JAG2: variants seen among roughly 807,000 people sequenced by gnomAD.
JAG2 encodes protein jagged-2.
JAG2 carries 46 observed loss-of-function variants against 141.7 expected under a neutral mutation model. The ratio of observed to expected loss-of-function variants is 0.32; its 90% CI spans 0.26 to 0.42. The LOEUF (loss-of-function observed/expected upper bound fraction) is 0.42, where lower values mean the gene tolerates loss of function less well. Ranked by LOEUF, JAG2 falls within the 10% of genes least tolerant of loss-of-function variation. The pLI is 1.00. For missense variants in JAG2, 1,500 were observed against 1,817.5 expected (o/e 0.83, Z 3.18); for synonymous variants, 862 against 763.5 (o/e 1.13, Z -2.13).
intron 2 of JAG2, among the ~76,000 whole-genome samples, chr14:105,162,808 C>A (rs1822028933): frequency 7.0e-6 from 1 of 143,734 alleles, no homozygotes; most frequent in South Asian, 2.3e-4. Flanking sequence ...TCAGGGCACT[C>A]CAGGTCCAGG....
At chr14:105,158,453 C>T (rs930696385) in intron 2 of JAG2, among the ~76,000 whole-genome samples, 2 of 152,148 alleles carry the variant, frequency 1.3e-5, no homozygotes, top group Non-Finnish European at 2.9e-5. Flanking sequence ...CAGACCATGG[C>T]CACTATGCCC....
intron 2 of JAG2, among the ~76,000 whole-genome samples, chr14:105,161,102 GTGTTGGGGGTCCGAGTGAGGTC>G (rs1369447428): frequency 2.7e-5 from 4 of 150,822 alleles, no homozygotes; most frequent in Non-Finnish European, 5.9e-5. Flanking sequence ...GTCTGTTCGG[GTGTTGGGGGTCCGAGTGAGGTC>G]TGTTGGGGGT....
intron 24 of JAG2, 28 bp downstream of exon 24, chr14:105,144,902 C>G (rs1196205134): frequency 6.3e-7 from 1 of 1,594,856 alleles, no homozygotes; most frequent in East Asian, 2.3e-5. Flanking sequence ...AGGGCCCACC[C>G]AGGTGCTGCT....
intron 8 of JAG2, 29 bp downstream of exon 8, chr14:105,151,597 G>T: frequency 6.5e-7 from 1 of 1,542,654 alleles, no homozygotes. Flanking sequence ...TACTAGGCAG[G>T]AGTCCCCTAC....
chr14:105,168,475 A>C lies in JAG2; in HGVS notation c.-55T>G. 2.1e-6 allele frequency: 1 copy of C among 472,976 alleles called. No individual in the cohort carries two copies. Among genetic ancestry groups the C allele is most frequent in the Non-Finnish European group, 2.7e-6 (1 of 369,040 alleles). 29.3% of individuals were successfully genotyped at this position (472,976 alleles called of 1,614,324 possible). On this transcript the variant is annotated 5_prime_UTR_variant, in exon 1 of 26. Coordinates refer to ENST00000331782, the MANE Select transcript of JAG2 (RefSeq NM_002226.5). ...CCGCCGCCGCCCGCGCCCGGCTCCCAGCCGCCGCGCCGGCCTCCCAGCGCC... is the reference window on the plus strand; with the variant it reads ...CCGCCGCCGCCCGCGCCCGGCTCCCCGCCGCCGCGCCGGCCTCCCAGCGCC...
intron 5 of JAG2, 111 bp from the exon 6 acceptor site, chr14:105,152,402 A>G: frequency 1.5e-6 from 2 of 1,310,988 alleles, no homozygotes; most frequent in Non-Finnish European, 2.1e-6. Context: ...GGGCGGCCTC[A>G]GGCCTTTGAA....
chr14:105,145,599 C>T, intron 23 of JAG2, 132 bp downstream of exon 23: 1 of 1,224,654 alleles, frequency 8.2e-7, no homozygotes, highest in Non-Finnish European at 1.1e-6. Flanking sequence ...CACAGGGCCA[C>T]TCTCTGTGAC....
chr14:105,161,336 A>C (rs1314569330), intron 2 of JAG2, among the ~76,000 whole-genome samples: 1 of 152,182 alleles, frequency 6.6e-6, no homozygotes, highest in Admixed American at 6.5e-5. Context: ...GGATGGGGCC[A>C]GCATGGGTCT....
intron 2 of JAG2, among the ~76,000 whole-genome samples, chr14:105,164,273 C>A (rs1888844492): frequency 6.6e-6 from 1 of 152,198 alleles, no homozygotes; most frequent in Non-Finnish European, 1.5e-5. Context: ...CACCCTGCCC[C>A]CATACCAAAG....
Position 105,148,763 on chromosome 14 carries a change from C to T in JAG2, c.2002G>A (p.Gly668Ser). The T allele has an allele frequency of 6.3e-7, 1 of 1,578,066 alleles. No homozygotes were observed. Among genetic ancestry groups the T allele is most frequent in the Non-Finnish European group, 8.6e-7 (1 of 1,162,418 alleles). The change falls in exon 15 of 26, where the codon GGC (glycine) becomes AGC (serine). Residue 668 changes from glycine (G) to serine (S), a missense_variant. This residue lies in a region of JAG2 where 875 missense variants were observed against 1,202.2 expected (regional missense o/e 0.73). Transcript: ENST00000331782. ...FRCFCPSGWE[G>S]ELCDTNPNDC... ...CACTCACTGGTGTCGCAGAGCTCGC[C>T]CTCCCAGCCGCTGGGGCAGAAGCAG...
At position 105,148,790 on chromosome 14, in the gene JAG2, G is replaced by A. The variant is rs771572871; in HGVS notation, c.1975C>T (p.Arg659Cys). 8 of 1,594,810 alleles carry A rather than the reference G, an allele frequency of 5.0e-6. No individual in the cohort carries two copies. The highest frequency in any genetic ancestry group is 2.7e-5 in the African/African-American group (2 of 74,660). ...GTCIDEVDAF[R>C]CFCPSGWEGE... is the part of the protein sequence containing the mutation. ...TCCCAGCCGCTGGGGCAGAAGCAGC[G>A]GAAGGCGTCCACCTCATCGATGCAT... is the stretch of plus-strand genomic sequence containing the variant. The change falls in exon 15 of 26, where the codon CGC becomes TGC. Residue 659 changes from arginine (R) to cysteine (C), a missense_variant. Coordinates refer to ENST00000331782, the MANE Select transcript of JAG2 (RefSeq NM_002226.5).
At position 105,148,855 on chromosome 14, in the gene JAG2, A is replaced by G. The variant is rs778463008; in HGVS notation, c.1910T>C (p.Ile637Thr). The G allele has an allele frequency of 3.1e-6, 5 of 1,591,552 alleles. No homozygotes were observed. The highest frequency in any genetic ancestry group is 4.3e-6 in the Non-Finnish European group (5 of 1,169,966). The change falls in exon 15 of 26, where the codon ATT (isoleucine) becomes ACT (threonine). Residue 637 changes from isoleucine (I) to threonine (T), a missense_variant. Coordinates refer to ENST00000331782, the MANE Select transcript of JAG2 (RefSeq NM_002226.5). ...GFTGTYCHEN[I>T]DDCLGQPCRN... ...GCAGGGCTGGCCCAGGCAGTCGTCA[A>G]TGTCTGCAGAGGCGAGCGGGGTGAG...
At chr14:105,166,848 C>T (rs953316296) in intron 2 of JAG2, among the ~76,000 whole-genome samples, 1 of 152,200 alleles carries the variant, frequency 6.6e-6, no homozygotes, top group African/African-American at 2.4e-5. Flanking sequence ...TGCTCTCATT[C>T]CCGCACTCAC....
At chr14:105,144,823 T>C in intron 24 of JAG2, 107 bp downstream of exon 24, 1 of 1,440,476 alleles carries the variant, frequency 6.9e-7, no homozygotes, top group Non-Finnish European at 9.4e-7. Flanking sequence ...CCCGCAGTCC[T>C]TCCGCACCAG....
intron 7 of JAG2, 82 bp downstream of exon 7, chr14:105,151,856 G>A (rs1005069065): frequency 3.4e-5 from 54 of 1,608,006 alleles, no homozygotes; most frequent in East Asian, 6.7e-5. Context: ...CACACAGGAC[G>A]CCAGAGGGAT....
rs773308170 is a variant in JAG2, at chr14:105,167,812, G to A, written c.362C>T (p.Ala121Val). 44 of 1,468,174 alleles carry A rather than the reference G, an allele frequency of 3.0e-5. 2 individuals carry two copies. The highest frequency in any genetic ancestry group is 2.3e-4 in the Middle Eastern group (1 of 4,258). The allele number at this position is 1,468,174 out of a possible 1,614,324, so 90.9% of individuals were successfully genotyped here. The change falls in exon 2 of 26, where the codon GCC becomes GTC. Residue 121 changes from alanine to valine, a missense_variant. Around this residue, in one of 3 missense-constraint regions of JAG2, gnomAD observed 200 missense variants for 174.3 expected, o/e 1.15. Transcript: ENST00000331782. The surrounding 1 kb of genome is among the most constrained non-coding windows in gnomAD (Gnocchi z 4.8). The part of the protein sequence containing the change: ...AGDRARARAR[A>V]GGDQDPGLVV... ...GAGGCCCGGGTCCTGGTCGCCGCCGGCCCGGGCCCGCGCCCGCGCTCGGTC... is the reference window on the plus strand; with the variant it reads ...GAGGCCCGGGTCCTGGTCGCCGCCGACCCGGGCCCGCGCCCGCGCTCGGTC...
rs1888086592 is a variant in JAG2, at chr14:105,142,496, T to G, written c.*199A>C. ...AAAAATAGCAACTATCCGAGAATAC[T>G]CCATTGTTTTCAGCCTGACAGTTAC... On this transcript the variant is annotated 3_prime_UTR_variant, in exon 26 of 26. Coordinates refer to ENST00000331782, the MANE Select transcript of JAG2 (RefSeq NM_002226.5). 3 of 585,670 alleles carry G rather than the reference T, an allele frequency of 5.1e-6. No individual in the cohort carries two copies. Among genetic ancestry groups the G allele is most frequent in the South Asian group, 2.1e-5 (1 of 47,058 alleles). 36.3% of individuals were successfully genotyped at this position (585,670 alleles called of 1,614,324 possible).
In JAG2 at chr14:105,149,114, G is replaced by T. The variant is rs368900540; in HGVS notation, c.1754-25C>A. On this transcript the variant is annotated intron_variant, in intron 13 of 25. Transcript: ENST00000331782. ...ACTATGGCAGGCAGTACAGTCAGGA[G>T]TCAGGCCCGCCCCTGCCCCACCACC... The T allele has an allele frequency of 8.1e-6, 13 of 1,599,220 alleles. No homozygotes were observed. In the African/African-American group the frequency reaches 1.7e-4, roughly 21 times the overall value.
At position 105,147,505 on chromosome 14, in the gene JAG2, C is replaced by A. The variant is rs147568092; in HGVS notation, c.2388G>T (p.Leu796=). The change falls in exon 19 of 26, where the codon CTG becomes CTT. Residue 796 remains leucine, a synonymous_variant. Transcript: ENST00000331782. ...GCCCCCAGGGTGCCACTCACCAAGG[C>A]AGAGGGTTGCAGTCGTTGGTATCTG... The part of the protein sequence containing the change: ...CTHNTNDCNP[L]PCYNGGICVD... The A allele has an allele frequency of 8.9e-5, 143 of 1,612,196 alleles. No individual in the cohort carries two copies. The highest frequency in any genetic ancestry group is 7.6e-5 in the Non-Finnish European group (90 of 1,179,506).
Sources: gnomAD v4.1 joint callset for allele counts (sites outside exome capture counted in the v4.1 genomes callset) on GRCh38, gnomAD v4.1.1 for gene constraint, gnomAD v4.1.1 regional missense constraint, Gnocchi (gnomAD v3.1) non-coding constraint, MANE v1.5 for transcripts, NCBI Gene and HGNC (gene_info 2026-07-23, HGNC 2026-07-21) for gene names.